MAGI3: variants seen among roughly 807,000 people sequenced by gnomAD.
MAGI3 encodes membrane-associated guanylate kinase, WW and PDZ domain-containing protein 3.
A neutral mutation model predicts 121.8 loss-of-function variants in MAGI3; 43 were observed. That is an observed-to-expected ratio of 0.35 (90% CI 0.28 to 0.46). MAGI3 has a LOEUF of 0.46. Among genes scored for constraint, MAGI3 ranks in the 20% least tolerant of loss-of-function variants. The probability of loss-of-function intolerance (pLI) is 1.00; values close to 1 mark genes in which losing one functional copy is unlikely to be tolerated. For synonymous variants in MAGI3, 553 were observed against 639.3 expected (o/e 0.86, Z 2.04); for missense variants, 1,547 against 1,797.3 (o/e 0.86, Z 2.52).
intron 12 of MAGI3, among the ~76,000 whole-genome samples, chr1:113,647,938 CT>C (rs1652941663): frequency 7.6e-6 from 1 of 130,754 alleles, no homozygotes; most frequent in Admixed American, 7.7e-5. Flanking sequence ...TTTTTTTCCC[CT>C]GAGACAGAGT....
chr1:113,677,512 G>C (rs1290019853), intron 19 of MAGI3, among the ~76,000 whole-genome samples: 1 of 152,160 alleles, frequency 6.6e-6, no homozygotes, highest in Non-Finnish European at 1.5e-5. Flanking sequence ...GTCTTGGCTT[G>C]AGTCCAGTTT....
intron 1 of MAGI3, among the ~76,000 whole-genome samples, chr1:113,465,164 G>A (rs190756732): frequency 6.6e-6 from 1 of 152,126 alleles, no homozygotes; most frequent in East Asian, 1.9e-4. Flanking sequence ...TATCCATTTT[G>A]CTTTGATTTT....
intron 1 of MAGI3, among the ~76,000 whole-genome samples, chr1:113,532,828 A>T (rs1658788878): frequency 6.6e-6 from 1 of 152,224 alleles, no homozygotes; most frequent in Non-Finnish European, 1.5e-5. Flanking sequence ...AAGGTAATAG[A>T]ATCATGTAAT....
chr1:113,523,692 A>G (rs1658313894), intron 1 of MAGI3, among the ~76,000 whole-genome samples: 1 of 152,228 alleles, frequency 6.6e-6, no homozygotes, highest in African/African-American at 2.4e-5. Flanking sequence ...AAAGGCAATC[A>G]GTTTTAAAAG....
intron 8 of MAGI3, among the ~76,000 whole-genome samples, chr1:113,621,886 G>A (rs12565589): frequency 0.23 from 35,241 of 151,870 alleles, 5,134 homozygotes; most frequent in East Asian, 0.64. Context: ...TATATGAAAT[G>A]CCTATATTGG....
chr1:113,395,910 T>C (rs1651087388), intron 1 of MAGI3, among the ~76,000 whole-genome samples: 1 of 152,150 alleles, frequency 6.6e-6, no homozygotes, highest in South Asian at 2.1e-4. Flanking sequence ...TTTTATTCAG[T>C]TTATTGCTAA....
intron 9 of MAGI3, among the ~76,000 whole-genome samples, chr1:113,623,453 TACACACACACAC>T (rs796174057): frequency 2.4e-5 from 3 of 126,104 alleles, no homozygotes; most frequent in Non-Finnish European, 4.8e-5. Flanking sequence ...TACACACACA[TACACACACACAC>T]ACACACACAC....
At chr1:113,676,170 G>A (rs1215560035) in intron 19 of MAGI3, among the ~76,000 whole-genome samples, 1 of 151,972 alleles carries the variant, frequency 6.6e-6, no homozygotes, top group Non-Finnish European at 1.5e-5. Context: ...TGATAAATTA[G>A]GATATAATTG....
intron 1 of MAGI3, among the ~76,000 whole-genome samples, chr1:113,479,724 A>T (rs1656022241): frequency 1.3e-5 from 2 of 151,942 alleles, no homozygotes; most frequent in Admixed American, 6.6e-5. Context: ...TCTGTAATAC[A>T]TATATTGGTT....
chr1:113,628,776 G>A (rs539483644), intron 9 of MAGI3, among the ~76,000 whole-genome samples: 5 of 152,228 alleles, frequency 3.3e-5, no homozygotes, highest in African/African-American at 1.2e-4. Context: ...TGGAAAGTCT[G>A]CTGTTAGACA....
intron 1 of MAGI3, among the ~76,000 whole-genome samples, chr1:113,483,734 G>A (rs569739277): frequency 6.6e-6 from 1 of 152,252 alleles, no homozygotes; most frequent in South Asian, 2.1e-4. Context: ...GGCAGGATGA[G>A]GTGGTTTGGA....
chr1:113,650,822 A>G (rs1275174893), intron 13 of MAGI3, among the ~76,000 whole-genome samples, 192 bp from the exon 14 acceptor site: 1 of 152,190 alleles, frequency 6.6e-6, no homozygotes, highest in Admixed American at 6.5e-5. Context: ...GGATTACATA[A>G]TACAATGTGG....
intron 1 of MAGI3, among the ~76,000 whole-genome samples, chr1:113,437,870 T>TTCTTCTTCTTCTTCTTCTTCTTCC (rs1557757143): frequency 1.5e-3 from 27 of 18,496 alleles, no homozygotes; most frequent in East Asian, 2.5e-3. Flanking sequence ...CTTCCTCTTC[T>TTCTTCTTCTTCTTCTTCTTCTTCC]TCTTCTTCTC....
Position 113,619,672 on chromosome 1 carries a change from A to G in MAGI3, c.1077-64A>G, listed in dbSNP as rs755115210. 2.6e-4 allele frequency: 282 copies of G among 1,081,178 alleles called. 1 individual carries two copies. The highest frequency in any genetic ancestry group is 3.8e-4 in the Non-Finnish European group (267 of 706,166). 67.0% of individuals were successfully genotyped at this position (1,081,178 alleles called of 1,614,324 possible). ...CTATGATGATGGAATGGTATGATAG[A>G]CTATTTAAGAATATGTTACTGTTTT... On this transcript the variant is annotated intron_variant, in intron 7 of 20. Coordinates refer to ENST00000307546, the MANE Select transcript of MAGI3 (RefSeq NM_001142782.2).
chr1:113,427,823 A>G (rs1653088335), intron 1 of MAGI3, among the ~76,000 whole-genome samples: 1 of 151,736 alleles, frequency 6.6e-6, no homozygotes, highest in Admixed American at 6.5e-5. Flanking sequence ...TTTTTTTTTG[A>G]GGATAACTCA....
In MAGI3 at chr1:113,683,039, T is replaced by A; in HGVS notation, c.3471T>A (p.Cys1157Ter). The change falls in exon 21 of 21, where the codon TGT (cysteine) becomes TGA (stop). Residue 1157 changes from cysteine to a stop codon, truncating the protein, a stop_gained. Coordinates refer to ENST00000307546, the MANE Select transcript of MAGI3 (RefSeq NM_001142782.2). LOFTEE classifies it low-confidence loss of function (END_TRUNC). ...VIEESLRVQI[C>*]EKAEELKDIV... ...AAGAATCTTTGAGAGTTCAGATATGTGAAAAGGCAGAAGAATTAAAGGACA... is the reference window on the plus strand; with the variant it reads ...AAGAATCTTTGAGAGTTCAGATATGAGAAAAGGCAGAAGAATTAAAGGACA... 6.2e-7 allele frequency: 1 copy of A among 1,613,814 alleles called. No individual in the cohort carries two copies. Among genetic ancestry groups the A allele is most frequent in the Non-Finnish European group, 8.5e-7 (1 of 1,179,872 alleles).
intron 1 of MAGI3, among the ~76,000 whole-genome samples, chr1:113,421,389 G>A (rs1364492865): frequency 6.6e-6 from 1 of 152,140 alleles, no homozygotes; most frequent in African/African-American, 2.4e-5. Flanking sequence ...TATTAGAAAG[G>A]GCTTTGACAA....
At chr1:113,531,141 T>G (rs921058332) in intron 1 of MAGI3, among the ~76,000 whole-genome samples, 1 of 152,180 alleles carries the variant, frequency 6.6e-6, no homozygotes, top group African/African-American at 2.4e-5. Context: ...GTTCTCCACT[T>G]TCTTTTTTTT....
intron 1 of MAGI3, among the ~76,000 whole-genome samples, chr1:113,398,460 G>C (rs569446778): frequency 5.3e-5 from 8 of 152,030 alleles, no homozygotes; most frequent in African/African-American, 1.9e-4. Flanking sequence ...CAATGTGAAC[G>C]GTAACCGATC....
Sources: gnomAD v4.1 joint callset for allele counts (sites outside exome capture counted in the v4.1 genomes callset) on GRCh38, gnomAD v4.1.1 for gene constraint, MANE v1.5 for transcripts, NCBI Gene and HGNC (gene_info 2026-07-23, HGNC 2026-07-21) for gene names.